TUSC3: variants seen among roughly 807,000 people sequenced by gnomAD.
The protein encoded by TUSC3 is dolichyl-diphosphooligosaccharide--protein glycosyltransferase subunit TUSC3.
A neutral mutation model predicts 44.8 loss-of-function variants in TUSC3; 45 were observed. The ratio of observed to expected loss-of-function variants is 1.00; its 90% CI spans 0.79 to 1.29. The LOEUF is 1.29. Ranked by LOEUF, TUSC3 falls within the 50% of genes most tolerant of loss-of-function variation. The pLI, the probability that TUSC3 is intolerant of heterozygous loss-of-function variation, is 0.00. For synonymous variants in TUSC3, 212 were observed against 152.9 expected, an observed-to-expected ratio of 1.39 and a Z score of -2.85; for missense variants, 519 against 437.9, an observed-to-expected ratio of 1.19 and a Z score of -1.65.
At chr8:15,458,541 T>C (rs1800294587) in intron 1 of TUSC3, among the ~76,000 whole-genome samples, 1 of 152,158 alleles carries the variant, frequency 6.6e-6, no homozygotes, top group South Asian at 2.1e-4. Flanking sequence ...GCCCAGCCAG[T>C]GCTTATTTCA....
downstream of TUSC3, among the ~76,000 whole-genome samples, chr8:15,770,859 A>T (rs545112328): frequency 2.2e-4 from 33 of 152,320 alleles, no homozygotes; most frequent in African/African-American, 7.7e-4. Flanking sequence ...ACCCGAAGAA[A>T]TAATGTTCAA....
intron 9 of TUSC3, among the ~76,000 whole-genome samples, chr8:15,752,184 G>A (rs930074449): frequency 7.2e-5 from 11 of 152,072 alleles, no homozygotes; most frequent in African/African-American, 2.4e-4. Flanking sequence ...GCTTGAATTA[G>A]GCTAAAATTC....
intron 3 of TUSC3, among the ~76,000 whole-genome samples, chr8:15,655,482 C>G (rs1412520067): frequency 6.6e-6 from 1 of 152,234 alleles, no homozygotes; most frequent in Non-Finnish European, 1.5e-5. Context: ...GGGGAAGAGA[C>G]AAACCCTGGG....
chr8:15,466,607 C>G (rs1800417733), intron 1 of TUSC3, among the ~76,000 whole-genome samples: 1 of 152,076 alleles, frequency 6.6e-6, no homozygotes, highest in Admixed American at 6.5e-5. Flanking sequence ...TCAGTCTTGT[C>G]TTAAGTCATA....
chr8:15,643,353 T>C (rs1806471672), intron 2 of TUSC3, among the ~76,000 whole-genome samples: 1 of 152,144 alleles, frequency 6.6e-6, no homozygotes, highest in Non-Finnish European at 1.5e-5. Flanking sequence ...CCTTACTACA[T>C]TGTGTGACAT....
rs189226705 is a variant in TUSC3, at chr8:15,584,354, C to T, written c.139-38726C>T. 1.4e-4 allele frequency among the ~76,000 whole-genome samples: 21 copies of T among 152,196 alleles called. No homozygotes were observed. The East Asian group carries it at 3.1e-3, about 22-fold the overall frequency. The stretch of plus-strand genomic sequence containing the variant: ...TGTATTATAAAAGCGAGAAAAGATT[C>T]TGCTTACATGTAGGAATTGTCTTAC... On this transcript the variant is annotated intron_variant, in intron 1 of 10. Transcript: ENST00000503731.
At chr8:15,529,454 G>A (rs1306081989) in intron 2 of TUSC3, among the ~76,000 whole-genome samples, 2 of 152,052 alleles carry the variant, frequency 1.3e-5, no homozygotes, top group Non-Finnish European at 1.5e-5. Context: ...CATAGACATA[G>A]CAATTTGAAA....
At chr8:15,736,149 T>TA (rs1810930066) in intron 7 of TUSC3, among the ~76,000 whole-genome samples, 2 of 152,176 alleles carry the variant, frequency 1.3e-5, no homozygotes, top group Admixed American at 1.3e-4. Context: ...GTGCATGTGC[T>TA]TTGTGCTGAG....
chr8:15,635,164 T>A (rs191412678), intron 2 of TUSC3, among the ~76,000 whole-genome samples: 38 of 152,096 alleles, frequency 2.5e-4, no homozygotes, highest in African/African-American at 8.7e-4. Context: ...CCGGGAATGG[T>A]CAGGACAGAA....
chr8:15,583,658 G>T (rs189993154), intron 1 of TUSC3, among the ~76,000 whole-genome samples: 1 of 152,196 alleles, frequency 6.6e-6, no homozygotes, highest in African/African-American at 2.4e-5. Flanking sequence ...TAGCAGGATA[G>T]CAAGCTAATT....
chr8:15,657,786 T>C (rs1807240040), intron 3 of TUSC3, among the ~76,000 whole-genome samples: 1 of 152,230 alleles, frequency 6.6e-6, no homozygotes, highest in Non-Finnish European at 1.5e-5. Context: ...GACCAGTGTT[T>C]GTCTTAGTCC....
chr8:15,619,913 A>G (rs564525027), intron 1 of TUSC3, among the ~76,000 whole-genome samples: 25 of 152,322 alleles, frequency 1.6e-4, no homozygotes, highest in African/African-American at 5.8e-4. Flanking sequence ...GAGAGCATTC[A>G]GAATTGTGAA....
chr8:15,513,345 G>A (rs979188825), intron 2 of TUSC3, among the ~76,000 whole-genome samples: 33 of 152,250 alleles, frequency 2.2e-4, no homozygotes, highest in African/African-American at 7.9e-4. Context: ...CATTAATGAG[G>A]AGATGGAAGT....
chr8:15,460,820 C>G (rs1419303456), intron 1 of TUSC3, among the ~76,000 whole-genome samples: 1 of 151,998 alleles, frequency 6.6e-6, no homozygotes, highest in Non-Finnish European at 1.5e-5. Flanking sequence ...TTTGCTTTGT[C>G]AAAGATCAGT....
chr8:15,808,350 C>G, the TUSC3 span, among the ~76,000 whole-genome samples: 5 of 152,066 alleles, frequency 3.3e-5, no homozygotes, highest in African/African-American at 1.2e-4. Context: ...AATGCTCTCT[C>G]CAGAGCACTA....
At chr8:15,529,504 G>A (rs10108360) in intron 2 of TUSC3, among the ~76,000 whole-genome samples, 1 of 152,026 alleles carries the variant, frequency 6.6e-6, no homozygotes, top group East Asian at 1.9e-4. Context: ...TGAATGAAAT[G>A]TATCGTAATA....
chr8:15,455,412 CATACACACCTATGTATACACGTATATGT>C (rs1325808546), intron 1 of TUSC3, among the ~76,000 whole-genome samples: 3 of 151,938 alleles, frequency 2.0e-5, no homozygotes, highest in Admixed American at 1.3e-4. Flanking sequence ...TATATATACA[CATACACACCTATGTATACACGTATATGT>C]ATACACACCT....
At chr8:15,605,022 A>G (rs1457981028) in intron 1 of TUSC3, among the ~76,000 whole-genome samples, 1 of 151,886 alleles carries the variant, frequency 6.6e-6, no homozygotes. Context: ...CTGATACTCC[A>G]GGCCATTTTT....
At chr8:15,478,583 C>T (rs973846849) in intron 1 of TUSC3, among the ~76,000 whole-genome samples, 1 of 152,154 alleles carries the variant, frequency 6.6e-6, no homozygotes, top group African/African-American at 2.4e-5. Context: ...CAGCACCATC[C>T]ATGTCCCTGA....
Sources: allele counts gnomAD v4.1 joint callset (sites outside exome capture counted in the v4.1 genomes callset), GRCh38; gene constraint gnomAD v4.1.1; transcripts MANE v1.5; gene names NCBI Gene and HGNC (gene_info 2026-07-23, HGNC 2026-07-21).